The following GSG1L2 variants were observed in gnomAD, a reference collection of about 807,000 sequenced individuals.
GSG1L2 encodes GSG1 like 2.
In GSG1L2, 15 loss-of-function variants were observed where a neutral mutation model predicts 9.0. The ratio of observed to expected loss-of-function variants is 1.67; its 90% CI spans 1.12 to 2.57. The LOEUF (loss-of-function observed/expected upper bound fraction) is 2.57, where lower values mean the gene tolerates loss of function less well. GSG1L2 is among the 30% of genes most tolerant of loss of function. GSG1L2 has a pLI of 0.00. For synonymous variants in GSG1L2, 127 were observed against 57.9 expected, an observed-to-expected ratio of 2.19 and a Z score of -5.41; for missense variants, 286 against 150.3, an observed-to-expected ratio of 1.90 and a Z score of -4.72.
Position 9,822,046 on chromosome 17 carries a change from G to A in GSG1L2, c.26C>T (p.Ala9Val), listed in dbSNP as rs776412530. ...GAGGCAGACAGGGAGGAGGAGCAGC[G>A]CCTGCTGCTGCTTGGCCCTGTCCAT... MDRAKQQQ[A>V]LLLLPVCLAL... Residue 9 changes from alanine to valine, a missense_variant, in exon 1 of 5, where the codon GCG becomes GTG. Transcript: ENST00000399363. 2.2e-4 allele frequency: 154 copies of A among 701,736 alleles called. No individual in the cohort carries two copies. Among genetic ancestry groups the A allele is most frequent in the Non-Finnish European group, 3.1e-4 (119 of 384,842 alleles). The allele number at this position is 701,736 out of a possible 1,614,324, so 43.5% of individuals were successfully genotyped here. A position where few individuals can be genotyped will look rare whatever the true frequency, so the allele number is the denominator to read the frequency against.
intron 1 of GSG1L2, among the ~76,000 whole-genome samples, chr17:9,815,322 AG>A (rs2066555352): frequency 6.6e-6 from 1 of 152,146 alleles, no homozygotes; most frequent in African/African-American, 2.4e-5. Flanking sequence ...CCCCGGAGGC[AG>A]GGGTTGCAGT....
chr17:9,819,780 A>C (rs1456686085), intron 1 of GSG1L2, among the ~76,000 whole-genome samples: 1 of 151,932 alleles, frequency 6.6e-6, no homozygotes, highest in Non-Finnish European at 1.5e-5. Context: ...TTACAGGCAC[A>C]CATCACCACG....
intron 4 of GSG1L2, among the ~76,000 whole-genome samples, chr17:9,806,794 T>C (rs1405499247): frequency 2.0e-5 from 3 of 152,094 alleles, no homozygotes; most frequent in Admixed American, 2.0e-4. Context: ...TTTGTAAAAA[T>C]TAACATCTTC....
chr17:9,815,643 G>C (rs1040337163), intron 1 of GSG1L2, among the ~76,000 whole-genome samples: 2 of 152,150 alleles, frequency 1.3e-5, no homozygotes, highest in African/African-American at 2.4e-5. Context: ...CAGTTTGTTG[G>C]ACTTCAAGAT....
In GSG1L2 at chr17:9,810,224, T is replaced by C. The variant is rs73976619; in HGVS notation, c.358+347A>G. 2,074 of 354,518 alleles carry C rather than the reference T, an allele frequency of 5.9e-3. 31 individuals carry two copies. The highest frequency in any genetic ancestry group is 0.039 in the African/African-American group (1,915 of 48,568). 22.0% of individuals were successfully genotyped at this position (354,518 alleles called of 1,614,324 possible). ...GAGAAGAAAAAACTGCTCTAGGCAG[T>C]GGTGTGCTGAAGCTTATCTCAGAGC... is the stretch of plus-strand genomic sequence containing the variant. On this transcript the variant is annotated intron_variant, in intron 2 of 4. Transcript: ENST00000399363.
At position 9,800,785 on chromosome 17, in the gene GSG1L2, G is replaced by T. The variant is rs1211289162; in HGVS notation, c.*1601C>A. Among the ~76,000 whole-genome samples, 2 of 152,294 alleles carry T rather than the reference G, an allele frequency of 1.3e-5. No individual in the cohort carries two copies. Among genetic ancestry groups the T allele is most frequent in the East Asian group, 3.9e-4 (2 of 5,182 alleles). On this transcript the variant is annotated 3_prime_UTR_variant, in exon 5 of 5. Transcript: ENST00000399363. ...CCTGCCTACATGAATACATAGGGAT[G>T]AAAAACCATATGAAAGAACCTGCAC...
intron 1 of GSG1L2, among the ~76,000 whole-genome samples, chr17:9,816,361 T>TGCAC (rs1305131460): frequency 9.3e-6 from 1 of 107,154 alleles, no homozygotes; most frequent in Non-Finnish European, 1.8e-5. Context: ...TGCACGCGTA[T>TGCAC]GCGTGTGTCT....
intron 1 of GSG1L2, among the ~76,000 whole-genome samples, chr17:9,815,253 G>C (rs940997143): frequency 6.6e-6 from 1 of 152,184 alleles, no homozygotes; most frequent in African/African-American, 2.4e-5. Flanking sequence ...AGCTGGGTGT[G>C]GTGGCATGCG....
intron 1 of GSG1L2, among the ~76,000 whole-genome samples, chr17:9,818,833 C>T (rs4791876): frequency 0.52 from 79,742 of 151,918 alleles, 22,142 homozygotes; most frequent in East Asian, 0.99. Context: ...TCCATTTCCA[C>T]ATCATAGGTG....
intron 2 of GSG1L2, chr17:9,809,187 G>C (rs534724458): frequency 1.8e-6 from 1 of 544,294 alleles, no homozygotes; most frequent in East Asian, 3.2e-5. Flanking sequence ...GGGATTGCCC[G>C]TAGCTGAACG....
intron 4 of GSG1L2, among the ~76,000 whole-genome samples, chr17:9,807,147 A>G (rs2066518967): frequency 6.6e-6 from 1 of 152,140 alleles, no homozygotes; most frequent in African/African-American, 2.4e-5. Context: ...GGTCTCCCCC[A>G]GTTGAAGTTA....
chr17:9,804,814 G>C (rs2066511039), intron 4 of GSG1L2: 1 of 152,292 alleles, frequency 6.6e-6, no homozygotes, highest in Middle Eastern at 3.4e-3. Flanking sequence ...CAACAACAAA[G>C]CAGGGAGGGG....
chr17:9,807,018 G>A (rs961813543), intron 4 of GSG1L2, among the ~76,000 whole-genome samples: 3 of 152,300 alleles, frequency 2.0e-5, no homozygotes, highest in Non-Finnish European at 4.4e-5. Flanking sequence ...TTTAAGATAC[G>A]ATATGCTTCA....
intron 1 of GSG1L2, among the ~76,000 whole-genome samples, chr17:9,816,779 G>GTC (rs76998812): frequency 6.7e-6 from 1 of 148,626 alleles, no homozygotes; most frequent in South Asian, 2.1e-4. Flanking sequence ...GTGCGTGTGT[G>GTC]TCTGTGTGTG....
chr17:9,806,953 A>T (rs2066518299), intron 4 of GSG1L2, among the ~76,000 whole-genome samples: 1 of 152,230 alleles, frequency 6.6e-6, no homozygotes, highest in South Asian at 2.1e-4. Context: ...ACAAAGAGGA[A>T]AGTAACATAA....
intron 1 of GSG1L2, among the ~76,000 whole-genome samples, chr17:9,819,513 A>AGT (rs367792853): frequency 4.6e-5 from 7 of 152,364 alleles, no homozygotes; most frequent in African/African-American, 1.7e-4. Context: ...TTTCTCCTGA[A>AGT]GTGTGGGACT....
At chr17:9,816,920 G>GTATC (rs1342820563) in intron 1 of GSG1L2, among the ~76,000 whole-genome samples, 156 of 139,406 alleles carry the variant, frequency 1.1e-3, no homozygotes, top group African/African-American at 4.7e-3. Flanking sequence ...CTGTGTGTGT[G>GTATC]TGTGTGTGTG....
intron 4 of GSG1L2, chr17:9,803,651 GATA>G (rs1316962068): frequency 1.3e-5 from 2 of 152,184 alleles, no homozygotes; most frequent in African/African-American, 4.8e-5. Flanking sequence ...CTTCCCAATG[GATA>G]ATAATAAGAT....
intron 1 of GSG1L2, among the ~76,000 whole-genome samples, chr17:9,813,047 A>G (rs1039727083): frequency 1.3e-5 from 2 of 152,220 alleles, no homozygotes; most frequent in East Asian, 1.9e-4. Flanking sequence ...ACCTCCTAAT[A>G]CCATTACATT....
Sources: gnomAD v4.1 joint callset for allele counts (sites outside exome capture counted in the v4.1 genomes callset) on GRCh38, gnomAD v4.1.1 for gene constraint, MANE v1.5 for transcripts, NCBI Gene and HGNC (gene_info 2026-07-23, HGNC 2026-07-21) for gene names.